The following SYCP2 variants were observed in gnomAD, a reference collection of about 807,000 sequenced individuals.
The protein encoded by SYCP2 is synaptonemal complex protein 2, also known as synaptonemal complex lateral element protein.
SYCP2 carries 55 observed loss-of-function variants against 211.3 expected under a neutral mutation model. The observed-to-expected ratio is 0.26, with a 90% CI of 0.21 to 0.33. The LOEUF (loss-of-function observed/expected upper bound fraction) is 0.33. Among genes scored for constraint, SYCP2 ranks in the 10% least tolerant of loss-of-function variants. SYCP2 has a pLI of 1.00. For synonymous variants in SYCP2, 570 were observed against 555.2 expected (o/e 1.03, Z -0.37); for missense variants, 1,731 against 1,752.0 (o/e 0.99, Z 0.21).
rs545998762 is a variant in SYCP2, at chr20:59,901,604, G to A, written c.1182+58C>T. The stretch of plus-strand genomic sequence containing the variant: ...GAAAAAACGCAATAAAACTTATAAC[G>A]CCAAACTGTTTCCAGAATTATGAAA... On this transcript the variant is annotated intron_variant, in intron 16 of 44. Transcript: ENST00000357552. The A allele has an allele frequency of 1.0e-4, 112 of 1,078,404 alleles. No homozygotes were observed. In the Middle Eastern group the frequency reaches 4.5e-3, roughly 43 times the overall value. The allele number at this position is 1,078,404 out of a possible 1,614,324, so 66.8% of individuals were successfully genotyped here.
intron 25 of SYCP2, 21 bp downstream of exon 25, chr20:59,886,686 G>T: frequency 6.6e-7 from 1 of 1,509,732 alleles, no homozygotes; most frequent in Non-Finnish European, 8.9e-7. Flanking sequence ...AAATATTCAT[G>T]TCTGAAATTT....
intron 2 of SYCP2, among the ~76,000 whole-genome samples, chr20:59,930,518 C>T (rs1372404685): frequency 1.3e-5 from 2 of 152,142 alleles, no homozygotes; most frequent in African/African-American, 4.8e-5. Context: ...TCTCTTTTTA[C>T]TCCAATTTGT....
At chr20:59,893,374 G>C in intron 21 of SYCP2, 150 bp downstream of exon 21, 3 of 754,550 alleles carry the variant, frequency 4.0e-6, no homozygotes, top group Non-Finnish European at 6.4e-6. Context: ...ATATTTCCTT[G>C]TAACCTCAAA....
At position 59,865,370 on chromosome 20, in the gene SYCP2, C is replaced by T. The variant is rs746952732; in HGVS notation, c.4515+18G>A. On this transcript the variant is annotated intron_variant, in intron 44 of 44. Coordinates refer to ENST00000357552, the MANE Select transcript of SYCP2 (RefSeq NM_014258.4). ...CATTAAAGTATGATTATCCCATTTT[C>T]AAACTTAGTTGACTTACCATGTCCT... is the stretch of plus-strand genomic sequence containing the variant. The T allele has an allele frequency of 1.9e-6, 3 of 1,592,288 alleles. No individual in the cohort carries two copies. The highest frequency in any genetic ancestry group is 2.6e-6 in the Non-Finnish European group (3 of 1,168,862).
intron 26 of SYCP2, among the ~76,000 whole-genome samples, chr20:59,882,575 A>C (rs2059706398): frequency 6.6e-6 from 1 of 152,194 alleles, no homozygotes. Context: ...GTATGTGTAT[A>C]TACAACGAAA....
intron 8 of SYCP2, 42 bp from the exon 9 acceptor site, chr20:59,915,592 T>G (rs750688413): frequency 8.4e-7 from 1 of 1,184,810 alleles, no homozygotes; most frequent in Non-Finnish European, 1.3e-6. Context: ...TTACATTCAG[T>G]GAAACACTAT....
intron 24 of SYCP2, among the ~76,000 whole-genome samples, chr20:59,890,936 G>A (rs2059894578): frequency 6.6e-6 from 1 of 151,518 alleles, no homozygotes; most frequent in African/African-American, 2.4e-5. Flanking sequence ...TAACATATTA[G>A]GACCCAAGAA....
At chr20:59,927,731 T>A (rs148009517) in intron 2 of SYCP2, among the ~76,000 whole-genome samples, 5 of 152,168 alleles carry the variant, frequency 3.3e-5, no homozygotes, top group Non-Finnish European at 7.4e-5. Context: ...TCTCTCTATT[T>A]CTTTAATTTA....
Position 59,866,538 on chromosome 20 carries a change from G to C in SYCP2, c.4177C>G (p.Gln1393Glu), listed in dbSNP as rs2059339820. 4 of 1,607,136 alleles carry C rather than the reference G, an allele frequency of 2.5e-6. No homozygotes were observed. Among genetic ancestry groups the C allele is most frequent in the Non-Finnish European group, 3.4e-6 (4 of 1,177,490 alleles). Residue 1393 changes from glutamine to glutamate, a missense_variant, in exon 40 of 45, where the codon CAG (glutamine) becomes GAG (glutamate). By Grantham distance (29) the Gln-to-Glu change is conservative. Around this residue, in one of 3 missense-constraint regions of SYCP2, gnomAD observed 1,387 missense variants for 1,351.3 expected, o/e 1.03. Transcript: ENST00000357552. ...YFTTQSWKTA[Q>E]QHLRTMNHQS... ...TGATTCATTGTTCTCAGATGTTGCT[G>C]AGCTGTTTTCCAAGACTGCGTAGTA...
intron 26 of SYCP2, chr20:59,885,117 A>C (rs1218051530): frequency 2.0e-5 from 3 of 152,144 alleles, no homozygotes; most frequent in African/African-American, 7.2e-5. Context: ...GGAAACCTCA[A>C]GTTATGTTTC....
chr20:59,897,663 A>G (rs1336979570), intron 18 of SYCP2, among the ~76,000 whole-genome samples: 1 of 152,184 alleles, frequency 6.6e-6, no homozygotes, highest in Non-Finnish European at 1.5e-5. Context: ...AATTGAGAAC[A>G]AAAGACTAAA....
chr20:59,920,345 T>C lies in SYCP2; in HGVS notation c.297+14A>G, dbSNP rs372616480. On this transcript the variant is annotated intron_variant, in intron 5 of 44. Coordinates refer to ENST00000357552, the MANE Select transcript of SYCP2 (RefSeq NM_014258.4). ...ATTTCATTCACATGAATATGTTACATATTCTATACTTATCTTTTGTATTAG... is the reference window on the plus strand; with the variant it reads ...ATTTCATTCACATGAATATGTTACACATTCTATACTTATCTTTTGTATTAG... The C allele has an allele frequency of 2.2e-5, 34 of 1,575,340 alleles. No homozygotes were observed. Among genetic ancestry groups the C allele is most frequent in the Middle Eastern group, 1.7e-4 (1 of 5,986 alleles).
At chr20:59,866,256 T>G in intron 41 of SYCP2, 37 bp downstream of exon 41, 1 of 1,400,748 alleles carries the variant, frequency 7.1e-7, no homozygotes, top group Non-Finnish European at 9.8e-7. Context: ...AAAAATAAGG[T>G]TTTAAACTTA....
chr20:59,879,842 TATATATATATATATATATATAC>T (rs2059636881), intron 31 of SYCP2, among the ~76,000 whole-genome samples: 70 of 125,940 alleles, frequency 5.6e-4, no homozygotes, highest in African/African-American at 2.5e-3. Flanking sequence ...TATATATATA[TATATATATATATATATATATAC>T]ACACACACAC....
chr20:59,929,880 T>C (rs1383617940), intron 2 of SYCP2, among the ~76,000 whole-genome samples: 8 of 151,838 alleles, frequency 5.3e-5, no homozygotes. Context: ...TAGAGGAGTG[T>C]AGTAAAGCAT....
In SYCP2 at chr20:59,891,932, A is replaced by C. The variant is rs187492044; in HGVS notation, c.2364+58T>G. Reference sequence around the variant, plus strand: ...AATTAATCAAGTTTCTTTCTTTCTTATGTTATCAAGTAGGCATCTTATGGA... The same window carrying C: ...AATTAATCAAGTTTCTTTCTTTCTTCTGTTATCAAGTAGGCATCTTATGGA... On this transcript the variant is annotated intron_variant, in intron 24 of 44. Transcript: ENST00000357552. 19 of 1,398,132 alleles carry C rather than the reference A, an allele frequency of 1.4e-5. No homozygotes were observed. The East Asian group carries it at 4.4e-4, about 32-fold the overall frequency. The allele number at this position is 1,398,132 out of a possible 1,614,324, so 86.6% of individuals were successfully genotyped here.
At chr20:59,907,726 T>A (rs764420522) in intron 14 of SYCP2, among the ~76,000 whole-genome samples, 56 of 152,216 alleles carry the variant, frequency 3.7e-4, no homozygotes, top group Non-Finnish European at 1.0e-4. Flanking sequence ...TGTTACCAAG[T>A]CTTTTTATGT....
At chr20:59,927,347 T>C (rs1039889637) in intron 2 of SYCP2, among the ~76,000 whole-genome samples, 5 of 152,146 alleles carry the variant, frequency 3.3e-5, no homozygotes, top group African/African-American at 1.2e-4. Context: ...CTGAAACATC[T>C]TTATGTATTG....
intron 20 of SYCP2, among the ~76,000 whole-genome samples, chr20:59,894,498 TA>T (rs1392194432): frequency 1.3e-5 from 2 of 151,878 alleles, no homozygotes; most frequent in East Asian, 1.9e-4. Flanking sequence ...CCATTTAAAT[TA>T]AAAAAATAGA....
Sources: allele counts gnomAD v4.1 joint callset (sites outside exome capture counted in the v4.1 genomes callset), GRCh38; gene constraint gnomAD v4.1.1; regional missense constraint gnomAD v4.1.1; transcripts MANE v1.5; gene names NCBI Gene and HGNC (gene_info 2026-07-23, HGNC 2026-07-21).